Variants in DSC3 observed in about 807,000 individuals in gnomAD.
The protein encoded by DSC3 is desmocollin-3.
DSC3 carries 97 observed loss-of-function variants against 89.5 expected under a neutral mutation model. That is an observed-to-expected ratio of 1.08 (90% CI 0.92 to 1.28). The LOEUF (loss-of-function observed/expected upper bound fraction) is 1.28. DSC3 is among the 50% of genes most tolerant of loss of function. The pLI, the probability that DSC3 is intolerant of heterozygous loss-of-function variation, is 0.00. For synonymous variants in DSC3, 436 were observed against 384.1 expected, an observed-to-expected ratio of 1.14 and a Z score of -1.58; for missense variants, 1,199 against 1,085.3, an observed-to-expected ratio of 1.10 and a Z score of -1.47.
intron 9 of DSC3, among the ~76,000 whole-genome samples, chr18:31,011,969 CAAAAAAA>C (rs371759932): frequency 1.9e-5 from 1 of 51,578 alleles, no homozygotes; most frequent in Non-Finnish European, 3.3e-5. Flanking sequence ...ACTCCATCTC[CAAAAAAA>C]AAAAAAAAAA....
chr18:31,032,587 T>C (rs929879832), intron 1 of DSC3, among the ~76,000 whole-genome samples: 9 of 108,322 alleles, frequency 8.3e-5, no homozygotes, highest in African/African-American at 1.2e-4. Context: ...TGTGTGTGTG[T>C]GTGCGTGTGC....
At chr18:31,035,981 T>C (rs1424654716) in intron 1 of DSC3, among the ~76,000 whole-genome samples, 4 of 152,150 alleles carry the variant, frequency 2.6e-5, no homozygotes, top group African/African-American at 9.6e-5. Context: ...ATGTTTGAGA[T>C]TTTTCCATAA....
chr18:31,018,587 GTATTAATTT>G lies in DSC3; in HGVS notation c.1077+70_1077+78del. On this transcript the variant is annotated intron_variant, in intron 8 of 15. Coordinates refer to ENST00000360428, the MANE Select transcript of DSC3 (RefSeq NM_001941.5). The stretch of plus-strand genomic sequence containing the variant: ...ACGTCAAAGTATGATACTTCATGAA[GTATTAATTT>G]TATTAATTCAGTTTAAATAAAAAAT... 6.2e-6 allele frequency: 9 copies of G among 1,440,918 alleles called. No individual in the cohort carries two copies. In the South Asian group the frequency reaches 9.2e-5, roughly 15 times the overall value. The allele number at this position is 1,440,918 out of a possible 1,614,324, so 89.3% of individuals were successfully genotyped here. A position where few individuals can be genotyped will look rare whatever the true frequency, so the allele number is the denominator to read the frequency against.
intron 13 of DSC3, among the ~76,000 whole-genome samples, chr18:31,003,249 CCTCT>C (rs1984726649): frequency 6.6e-6 from 1 of 152,208 alleles, no homozygotes; most frequent in Non-Finnish European, 1.5e-5. Flanking sequence ...TAATTATTTG[CCTCT>C]CTTTTTTTTC....
At chr18:31,011,496 T>G (rs1429247034) in intron 9 of DSC3, among the ~76,000 whole-genome samples, 2 of 152,170 alleles carry the variant, frequency 1.3e-5, no homozygotes, top group African/African-American at 4.8e-5. Context: ...CTGGATATAA[T>G]TCTGACTAGC....
At chr18:31,019,546 AC>A (rs1419107998) in intron 7 of DSC3, among the ~76,000 whole-genome samples, 1 of 152,186 alleles carries the variant, frequency 6.6e-6, no homozygotes, top group African/African-American at 2.4e-5. Flanking sequence ...TAATCCCAGC[AC>A]TTTGGGAGGC....
intron 1 of DSC3, among the ~76,000 whole-genome samples, chr18:31,035,568 T>C (rs1985943301): frequency 6.6e-6 from 1 of 152,062 alleles, no homozygotes; most frequent in Non-Finnish European, 1.5e-5. Context: ...AAATATATCA[T>C]AACTCTGTAG....
intron 6 of DSC3, 43 bp downstream of exon 6, chr18:31,024,306 A>G: frequency 6.6e-7 from 1 of 1,522,106 alleles, no homozygotes; most frequent in Non-Finnish European, 8.8e-7. Flanking sequence ...ATGTACACAG[A>G]CATATTTAAA....
chr18:30,993,950 A>G lies in DSC3; in HGVS notation c.*225T>C. The G allele has an allele frequency of 2.1e-6, 1 of 466,714 alleles. No homozygotes were observed. Among genetic ancestry groups the G allele is most frequent in the Non-Finnish European group, 3.9e-6 (1 of 256,984 alleles). The allele number at this position is 466,714 out of a possible 1,614,324, so 28.9% of individuals were successfully genotyped here. Reference sequence around the variant, plus strand: ...AAGAGCAGATGCTTTAGAGACCTTAATTCCAGTGCTGGAGTTTGAGATTTA... The same window carrying G: ...AAGAGCAGATGCTTTAGAGACCTTAGTTCCAGTGCTGGAGTTTGAGATTTA... On this transcript the variant is annotated 3_prime_UTR_variant, in exon 16 of 16. Transcript: ENST00000360428.
At position 30,995,992 on chromosome 18, in the gene DSC3, A is replaced by AGAAAG. The variant is rs1389203617; in HGVS notation, c.2493+798_2493+799insCTTTC. On this transcript the variant is annotated intron_variant, in intron 15 of 15. Transcript: ENST00000360428. Reference sequence around the variant, plus strand: ...GCCTTAAAAAAAAAAAAAAAAAAAAAAAAAAAAGAAAAGAAAGAAAAAAGC... The same window carrying AGAAAG: ...GCCTTAAAAAAAAAAAAAAAAAAAAAGAAAGAAAAAAAGAAAAGAAAGAAAAAAGC... Among the ~76,000 whole-genome samples, 371 of 117,626 alleles carry AGAAAG rather than the reference A, an allele frequency of 3.2e-3. 9 individuals are homozygous for AGAAAG. Among genetic ancestry groups the AGAAAG allele is most frequent in the Non-Finnish European group, 4.7e-3 (280 of 59,568 alleles). 77.2% of individuals were successfully genotyped at this position (117,626 alleles called of 152,430 possible).
chr18:31,033,501 T>C (rs914007509), intron 1 of DSC3, among the ~76,000 whole-genome samples: 12 of 152,204 alleles, frequency 7.9e-5, no homozygotes, highest in African/African-American at 2.9e-4. Flanking sequence ...GAGAAATAAA[T>C]AGTCTTTTCA....
chr18:31,017,489 G>T (rs957800809), intron 9 of DSC3, among the ~76,000 whole-genome samples: 2 of 151,858 alleles, frequency 1.3e-5, no homozygotes, highest in African/African-American at 4.8e-5. Flanking sequence ...ACAACATACT[G>T]AACAAAAAAT....
chr18:31,005,961 TATC>T (rs1984824669), intron 12 of DSC3, among the ~76,000 whole-genome samples: 1 of 152,026 alleles, frequency 6.6e-6, no homozygotes. Context: ...ATGAAAAAAA[TATC>T]ATGCTCATAA....
At chr18:31,012,962 T>C (rs1268105914) in intron 9 of DSC3, among the ~76,000 whole-genome samples, 1 of 152,154 alleles carries the variant, frequency 6.6e-6, no homozygotes, top group Non-Finnish European at 1.5e-5. Flanking sequence ...AAAAGAGATA[T>C]TTTTAAACTT....
At position 31,018,676 on chromosome 18, in the gene DSC3, C is replaced by G. The variant is rs759948440; in HGVS notation, c.1067G>C (p.Arg356Thr). 1.2e-6 allele frequency: 2 copies of G among 1,613,060 alleles called. No individual in the cohort carries two copies. The highest frequency in any genetic ancestry group is 1.1e-5 in the South Asian group (1 of 91,052). Residue 356 changes from arginine (R) to threonine (T), a missense_variant, in exon 8 of 16, where the codon AGA (arginine) becomes ACA (threonine). Physicochemically the swap from Arg to Thr is moderately conservative, Grantham distance 71. Coordinates refer to ENST00000360428, the MANE Select transcript of DSC3 (RefSeq NM_001941.5). ...ATATTATATACTTACAGCATTTTGT[C>G]TGAAAGTGGGTGCATTATCATTTGA... ...TDSNDNAPTF[R>T]QNAYEAFVEE...
chr18:31,004,680 T>C (rs1261915618), intron 12 of DSC3, among the ~76,000 whole-genome samples: 1 of 152,212 alleles, frequency 6.6e-6, no homozygotes, highest in Non-Finnish European at 1.5e-5. Flanking sequence ...TCAAGCATTT[T>C]TCTTTAGTAC....
intron 7 of DSC3, among the ~76,000 whole-genome samples, chr18:31,020,141 A>T (rs1439751219): frequency 1.3e-5 from 2 of 152,186 alleles, no homozygotes; most frequent in South Asian, 2.1e-4. Context: ...AGGCACCTGG[A>T]TATATGGCCT....
intron 5 of DSC3, among the ~76,000 whole-genome samples, chr18:31,024,829 T>G (rs276922): frequency 0.48 from 73,279 of 151,894 alleles, 18,332 homozygotes; most frequent in East Asian, 0.88. Context: ...TTAAACTCAC[T>G]GCAATAGGAA....
At chr18:31,031,284 A>G (rs1985784193) in intron 2 of DSC3, 112 bp from the exon 3 acceptor site, 1 of 720,366 alleles carries the variant, frequency 1.4e-6, no homozygotes. Flanking sequence ...AAATAAGCCA[A>G]TCACTTTGCA....
Sources: gnomAD v4.1 joint callset for allele counts (sites outside exome capture counted in the v4.1 genomes callset) on GRCh38, gnomAD v4.1.1 for gene constraint, MANE v1.5 for transcripts, NCBI Gene and HGNC (gene_info 2026-07-23, HGNC 2026-07-21) for gene names.